POLR1A: variants seen among roughly 807,000 people sequenced by gnomAD.
POLR1A encodes DNA-directed RNA polymerase I subunit RPA1.
Under a neutral mutation model 205.3 loss-of-function variants are expected in POLR1A, and 84 were observed. The ratio of observed to expected loss-of-function variants is 0.41; its 90% CI spans 0.34 to 0.49. The LOEUF is 0.49. Ranked by LOEUF, POLR1A falls within the 20% of genes least tolerant of loss-of-function variation. POLR1A has a pLI of 0.22. For missense variants in POLR1A, 1,645 were observed against 2,204.5 expected, an observed-to-expected ratio of 0.75 and a Z score of 5.08; for synonymous variants, 799 against 863.7, an observed-to-expected ratio of 0.93 and a Z score of 1.31.
At chr2:86,099,354 C>CT (rs1264924730) in intron 2 of POLR1A, among the ~76,000 whole-genome samples, 9 of 134,942 alleles carry the variant, frequency 6.7e-5, no homozygotes, top group Non-Finnish European at 1.4e-4. Context: ...GAGACACTGT[C>CT]TTAAAAAAAA....
Position 86,027,456 on chromosome 2 carries a change from T to A in POLR1A, c.5130A>T (p.Thr1710=), listed in dbSNP as rs1260025367. 6.2e-7 allele frequency: 1 copy of A among 1,614,172 alleles called. No individual in the cohort carries two copies. Among genetic ancestry groups the A allele is most frequent in the Admixed American group, 1.7e-5 (1 of 60,026 alleles). ...LVVGKVVRGG[T]GLFELKQPLR Reference sequence around the variant, plus strand: ...GAGGCTGCTTGAGCTCGAACAGGCCTGTCCCGCCCCTGACGACCTTCCCGA... The same window carrying A: ...GAGGCTGCTTGAGCTCGAACAGGCCAGTCCCGCCCCTGACGACCTTCCCGA... The change falls in exon 34 of 34, where the codon ACA becomes ACT. Residue 1710 remains threonine (T), a synonymous_variant. Coordinates refer to ENST00000263857, the MANE Select transcript of POLR1A (RefSeq NM_015425.6).
chr2:86,031,325 C>G lies in POLR1A; in HGVS notation c.4578+5G>C. 1 of 1,541,404 alleles carries G rather than the reference C, an allele frequency of 6.5e-7. No individual in the cohort carries two copies. Among genetic ancestry groups the G allele is most frequent in the Non-Finnish European group, 8.8e-7 (1 of 1,141,890 alleles). ...CCAAGCCCTGGCCTGCACGGCCACA[C>G]TGACCTGGCACCACAGGCTCTCCTC... On this transcript the variant is annotated splice_donor_5th_base_variant and intron_variant, in intron 30 of 33. Transcript: ENST00000263857.
intron 19 of POLR1A, among the ~76,000 whole-genome samples, chr2:86,046,474 C>T (rs1442194350): frequency 6.6e-6 from 1 of 152,028 alleles, no homozygotes; most frequent in Admixed American, 6.6e-5. Context: ...ATGGGGTGGG[C>T]CTTTAGACCC....
At chr2:86,094,775 T>C (rs1028464450) in intron 3 of POLR1A, among the ~76,000 whole-genome samples, 1 of 152,198 alleles carries the variant, frequency 6.6e-6, no homozygotes, top group Non-Finnish European at 1.5e-5. Flanking sequence ...ATCAATTAAG[T>C]ACTTATTCAT....
At position 86,041,272 on chromosome 2, in the gene POLR1A, T is replaced by G. The variant is rs866461150; in HGVS notation, c.3572+617A>C. On this transcript the variant is annotated intron_variant, in intron 24 of 33. Transcript: ENST00000263857. ...GTGTGTGTGTGTGTGTGTGTGCTGA[T>G]CTACAGTGTCTGTGTGTGTGTGTGT... is the stretch of plus-strand genomic sequence containing the variant. Among the ~76,000 whole-genome samples the G allele has an allele frequency of 2.9e-3, 415 of 141,674 alleles. 7 individuals carry two copies. The highest frequency in any genetic ancestry group is 0.011 in the African/African-American group (399 of 36,212). 92.9% of individuals were successfully genotyped at this position (141,674 alleles called of 152,430 possible). A position where few individuals can be genotyped will look rare whatever the true frequency, so the allele number is the denominator to read the frequency against.
intron 3 of POLR1A, among the ~76,000 whole-genome samples, chr2:86,092,267 G>A (rs1229549996): frequency 6.6e-6 from 1 of 152,220 alleles, no homozygotes; most frequent in South Asian, 2.1e-4. Context: ...TCCTAGCTGG[G>A]CATATCCTAC....
At chr2:86,047,022 T>C in intron 19 of POLR1A, 143 bp downstream of exon 19, 1 of 585,046 alleles carries the variant, frequency 1.7e-6, no homozygotes, top group South Asian at 2.2e-5. Flanking sequence ...ATGTTAACAG[T>C]GGTTAGCTCC....
intron 13 of POLR1A, among the ~76,000 whole-genome samples, chr2:86,069,335 T>A (rs1202862690): frequency 6.6e-6 from 1 of 152,210 alleles, no homozygotes; most frequent in Non-Finnish European, 1.5e-5. Context: ...TGGAACACAC[T>A]CTGTCTTCTT....
chr2:86,074,855 T>C lies in POLR1A; in HGVS notation c.1611+175A>G, dbSNP rs3770075. On this transcript the variant is annotated intron_variant, in intron 12 of 33. Coordinates refer to ENST00000263857, the MANE Select transcript of POLR1A (RefSeq NM_015425.6). ...GAGTAGTCCTGTTTAAGGGCAGCCA[T>C]TCTTCTGCCCGGAGACTACAAGGTG... 0.37 allele frequency among the ~76,000 whole-genome samples: 56,822 copies of C among 152,056 alleles called. 13,349 individuals carry two copies. Among genetic ancestry groups the C allele is most frequent in the Non-Finnish European group, 0.53 (36,212 of 67,940 alleles).
chr2:86,045,514 G>T, intron 20 of POLR1A, 103 bp downstream of exon 20: 2 of 1,337,624 alleles, frequency 1.5e-6, no homozygotes, highest in Non-Finnish European at 2.1e-6. Context: ...AGCTACAATA[G>T]CCCCCAGTGT....
rs769625577 is a variant in POLR1A, at chr2:86,098,608, T to C, written c.432+3A>G. 8 of 1,613,310 alleles carry C rather than the reference T, an allele frequency of 5.0e-6. No homozygotes were observed. The highest frequency in any genetic ancestry group is 6.8e-6 in the Non-Finnish European group (8 of 1,179,774). ...ATTTCTGTGACCACCACTACCCACC[T>C]ACCCTGTTCAGAATTCTCTCAAGCT... is the stretch of plus-strand genomic sequence containing the variant. On this transcript the variant is annotated splice_donor_region_variant and intron_variant, in intron 3 of 33. Coordinates refer to ENST00000263857, the MANE Select transcript of POLR1A (RefSeq NM_015425.6).
chr2:86,105,615 C>A, intron 1 of POLR1A, 85 bp downstream of exon 1: 3 of 880,496 alleles, frequency 3.4e-6, no homozygotes, highest in South Asian at 2.8e-5. Context: ...AGAGGATAGA[C>A]TGGGCAAAAG....
At chr2:86,090,686 T>TATGATGCTCCC (rs1486417002) in intron 3 of POLR1A, among the ~76,000 whole-genome samples, 1 of 152,206 alleles carries the variant, frequency 6.6e-6, no homozygotes, top group Non-Finnish European at 1.5e-5. Flanking sequence ...GGAATATGCC[T>TATGATGCTCCC]ATGATGCTCC....
chr2:86,064,728 A>G (rs1453392606), intron 14 of POLR1A, among the ~76,000 whole-genome samples: 1 of 152,050 alleles, frequency 6.6e-6, no homozygotes, highest in Non-Finnish European at 1.5e-5. Context: ...TTTAAGTTAG[A>G]AGCAAAGGAC....
intron 13 of POLR1A, 73 bp downstream of exon 13, chr2:86,069,945 C>T: frequency 6.6e-7 from 1 of 1,513,678 alleles, no homozygotes. Flanking sequence ...ACCCCAGGGG[C>T]TGGCAGGGCC....
chr2:86,092,214 C>T (rs1049307655), intron 3 of POLR1A, among the ~76,000 whole-genome samples: 6 of 152,200 alleles, frequency 3.9e-5, no homozygotes, highest in African/African-American at 1.2e-4. Context: ...ATTGGTTAGG[C>T]TACATCTGGA....
At position 86,027,334 on chromosome 2, in the gene POLR1A, A is replaced by T; in HGVS notation, c.*89T>A. The T allele has an allele frequency of 9.5e-7, 1 of 1,048,068 alleles. No homozygotes were observed. Among genetic ancestry groups the T allele is most frequent in the Non-Finnish European group, 1.5e-6 (1 of 666,182 alleles). 64.9% of individuals were successfully genotyped at this position (1,048,068 alleles called of 1,614,324 possible). On this transcript the variant is annotated 3_prime_UTR_variant, in exon 34 of 34. Transcript: ENST00000263857. ...GTCACTTGGAACTGCCCTGGATTCCAGTCTCCTGGTCCTCTCATGCAGAAG... is the reference window on the plus strand; with the variant it reads ...GTCACTTGGAACTGCCCTGGATTCCTGTCTCCTGGTCCTCTCATGCAGAAG...
intron 31 of POLR1A, among the ~76,000 whole-genome samples, chr2:86,029,971 C>T (rs1187066849): frequency 6.6e-6 from 1 of 152,178 alleles, no homozygotes; most frequent in African/African-American, 2.4e-5. Context: ...ATAAGTTCAG[C>T]AGGGTGCTTT....
At position 86,075,145 on chromosome 2, in the gene POLR1A, T is replaced by C. The variant is rs755038742; in HGVS notation, c.1496A>G (p.Asn499Ser). ...NVHPGASMVI[N>S]EDGSRTALSA... ...CAGGGCTGTGCGGCTGCCGTCCTCATTGATGACCATGGAGGCTCCTGGGTG... is the reference window on the plus strand; with the variant it reads ...CAGGGCTGTGCGGCTGCCGTCCTCACTGATGACCATGGAGGCTCCTGGGTG... The change falls in exon 12 of 34, where the codon AAT becomes AGT. Residue 499 changes from asparagine (N) to serine (S), a missense_variant. This residue lies in a region of POLR1A where 131 missense variants were observed against 214.5 expected (regional missense o/e 0.61). Coordinates refer to ENST00000263857, the MANE Select transcript of POLR1A (RefSeq NM_015425.6). The C allele has an allele frequency of 1.2e-5, 20 of 1,613,674 alleles. No homozygotes were observed. Among genetic ancestry groups the C allele is most frequent in the Middle Eastern group, 3.3e-4 (2 of 6,014 alleles).
Sources: allele counts gnomAD v4.1 joint callset (sites outside exome capture counted in the v4.1 genomes callset), GRCh38; gene constraint gnomAD v4.1.1; regional missense constraint gnomAD v4.1.1; transcripts MANE v1.5; gene names NCBI Gene and HGNC (gene_info 2026-07-23, HGNC 2026-07-21).